SERPINB4: variants seen among roughly 807,000 people sequenced by gnomAD.
SERPINB4 encodes the protein serpin B4.
A neutral mutation model predicts 33.2 loss-of-function variants in SERPINB4; 39 were observed. The ratio of observed to expected loss-of-function variants is 1.18; its 90% confidence interval spans 0.91 to 1.53. The LOEUF is 1.53. Among genes scored for constraint, SERPINB4 ranks in the 40% most tolerant of loss-of-function variants. The pLI is 0.00. For synonymous variants in SERPINB4, 191 were observed against 166.4 expected (o/e 1.15, Z -1.14); for missense variants, 564 against 455.4 (o/e 1.24, Z -2.17).
chr18:63,641,736 T>G (rs559370115), intron 4 of SERPINB4, 24 bp downstream of exon 4: 48 of 1,612,850 alleles, frequency 3.0e-5, no homozygotes, highest in East Asian at 4.5e-5. Flanking sequence ...GCAAATGAAA[T>G]GTGGGTAGGC....
chr18:63,643,501 T>C lies in SERPINB4; in HGVS notation c.77A>G (p.Asn26Ser). Reference sequence around the variant, plus strand: ...GATGCTGATAGGGGAATAGAAGATGTTGTTCTCTTTTGATTTTCTGAACTG... The same window carrying C: ...GATGCTGATAGGGGAATAGAAGATGCTGTTCTCTTTTGATTTTCTGAACTG... Reference protein sequence around the residue: ...FQQFRKSKENNIFYSPISITS... With the variant: ...FQQFRKSKENSIFYSPISITS... The change falls in exon 2 of 8, where the codon AAC (asparagine) becomes AGC (serine). Residue 26 changes from asparagine to serine, a missense_variant. Coordinates refer to ENST00000341074, the MANE Select transcript of SERPINB4 (RefSeq NM_002974.4). The C allele has an allele frequency of 3.1e-6, 5 of 1,613,800 alleles. No homozygotes were observed. Among genetic ancestry groups the C allele is most frequent in the Non-Finnish European group, 4.2e-6 (5 of 1,179,756 alleles).
chr18:63,642,025 G>A (rs944805415), intron 3 of SERPINB4, 137 bp from the exon 4 acceptor site: 2 of 1,304,594 alleles, frequency 1.5e-6, no homozygotes, highest in African/African-American at 2.9e-5. Flanking sequence ...GATAATTGGT[G>A]TATTTCACCT....
In SERPINB4 at chr18:63,643,127, A is replaced by T. The variant is rs1913190997; in HGVS notation, c.222+34T>A. ...GGTTTAAACTATGACCTGTTCAGGG[A>T]TCTAAAGCTGAACCATAGTGCTCTG... On this transcript the variant is annotated intron_variant, in intron 3 of 7. Transcript: ENST00000341074. 1.9e-6 allele frequency: 3 copies of T among 1,612,746 alleles called. No individual in the cohort carries two copies. The South Asian group carries it at 3.3e-5, about 18-fold the overall frequency.
chr18:63,637,963 C>A lies in SERPINB4; in HGVS notation c.929G>T (p.Gly310Val). 6.2e-7 allele frequency: 1 copy of A among 1,613,636 alleles called. No homozygotes were observed. Among genetic ancestry groups the A allele is most frequent in the South Asian group, 1.1e-5 (1 of 91,066 alleles). Residue 310 changes from glycine (G) to valine (V), a missense_variant, in exon 8 of 8, where the codon GGG (glycine) becomes GTG (valine). Coordinates refer to ENST00000341074, the MANE Select transcript of SERPINB4 (RefSeq NM_002974.4). ...RTMGMVNIFN[G>V]DADLSGMTWS... ...GGTCATGCCTGAGAGGTCTGCATCC[C>A]CATTGAAGATATTCACCATTCCCAT...
intron 2 of SERPINB4, 52 bp from the exon 3 acceptor site, chr18:63,643,269 A>C: frequency 6.2e-7 from 1 of 1,612,520 alleles, no homozygotes; most frequent in Non-Finnish European, 8.5e-7. Context: ...AGATCTGTTT[A>C]AGTCAGTGGT....
chr18:63,639,866 A>G (rs1913069593), intron 5 of SERPINB4, 90 bp from the exon 6 acceptor site: 2 of 1,212,348 alleles, frequency 1.6e-6, no homozygotes, highest in Non-Finnish European at 2.4e-6. Flanking sequence ...CTGATCGTTA[A>G]TTATTGACCC....
chr18:63,641,687 T>TTC (rs1913135987), intron 4 of SERPINB4, 73 bp downstream of exon 4: 2 of 1,610,450 alleles, frequency 1.2e-6, no homozygotes, highest in East Asian at 4.5e-5. Context: ...CTGCCTTGCT[T>TTC]TCTTCCATTT....
At chr18:63,642,002 G>T in intron 3 of SERPINB4, 114 bp from the exon 4 acceptor site, 1 of 1,449,470 alleles carries the variant, frequency 6.9e-7, no homozygotes, top group Non-Finnish European at 9.5e-7. Context: ...GAGGACCTTT[G>T]ATGTTATTCC....
chr18:63,637,392 T>A lies in SERPINB4; in HGVS notation c.*327A>T. 2 of 203,490 alleles carry A rather than the reference T, an allele frequency of 9.8e-6. No individual in the cohort carries two copies. The highest frequency in any genetic ancestry group is 9.8e-6 in the Non-Finnish European group (1 of 102,096). 12.6% of individuals were successfully genotyped at this position (203,490 alleles called of 1,614,324 possible). ...GGTTGCTAAATTTGAAGAGAAAGTA[T>A]GATTTGGTTTGGTTCATTTAAAACA... is the stretch of plus-strand genomic sequence containing the variant. On this transcript the variant is annotated 3_prime_UTR_variant, in exon 8 of 8. Transcript: ENST00000341074.
At chr18:63,638,813 G>A (rs1913025990) in intron 7 of SERPINB4, among the ~76,000 whole-genome samples, 1 of 110,514 alleles carries the variant, frequency 9.0e-6, no homozygotes. Flanking sequence ...GACTGTTGTG[G>A]GGTGGGGGGA....
At chr18:63,638,811 T>C (rs1471500594) in intron 7 of SERPINB4, among the ~76,000 whole-genome samples, 1 of 93,406 alleles carries the variant, frequency 1.1e-5, no homozygotes, top group East Asian at 3.7e-4. Flanking sequence ...AGGACTGTTG[T>C]GGGGTGGGGG....
chr18:63,643,477 A>T lies in SERPINB4; in HGVS notation c.101T>A (p.Ile34Asn). ...GAGGACCATCCCTAATGCTGATGTG[A>T]TGCTGATAGGGGAATAGAAGATGTT... ...ENNIFYSPIS[I>N]TSALGMVLLG... The change falls in exon 2 of 8, where the codon ATC becomes AAC. Residue 34 changes from isoleucine to asparagine, a missense_variant. Ile to Asn is a moderately radical substitution (Grantham distance 149). Coordinates refer to ENST00000341074, the MANE Select transcript of SERPINB4 (RefSeq NM_002974.4). 1 of 1,613,740 alleles carries T rather than the reference A, an allele frequency of 6.2e-7. No homozygotes were observed. Among genetic ancestry groups the T allele is most frequent in the Non-Finnish European group, 8.5e-7 (1 of 1,179,758 alleles).
Position 63,637,870 on chromosome 18 carries a change from A to T in SERPINB4, c.1022T>A (p.Val341Glu), listed in dbSNP as rs777553044. 6.2e-7 allele frequency: 1 copy of T among 1,613,050 alleles called. No homozygotes were observed. The highest frequency in any genetic ancestry group is 2.2e-5 in the East Asian group (1 of 44,852). ...TACAGCGGTGGCAGCTGCAGCTTCC[A>T]CTCCCTCCTCAGTGACCTCCACAAA... ...KAFVEVTEEG[V>E]EAAAATAVVV... Residue 341 changes from valine to glutamate, a missense_variant, in exon 8 of 8, where the codon GTG (valine) becomes GAG (glutamate). By Grantham distance (121) the Val-to-Glu change is moderately radical (BLOSUM62 -2). Transcript: ENST00000341074.
rs770002031 is a variant in SERPINB4, at chr18:63,637,933, C to A, written c.959G>T (p.Ser320Ile). 6.2e-7 allele frequency: 1 copy of A among 1,613,624 alleles called. No individual in the cohort carries two copies. The highest frequency in any genetic ancestry group is 2.2e-5 in the East Asian group (1 of 44,868). The change falls in exon 8 of 8, where the codon AGC (serine) becomes ATC (isoleucine). Residue 320 changes from serine to isoleucine, a missense_variant. Coordinates refer to ENST00000341074, the MANE Select transcript of SERPINB4 (RefSeq NM_002974.4). ...GDADLSGMTW[S>I]HGLSVSKVLH... ...GACTTTAGATACTGAGAGACCGTGG[C>A]TCCAGGTCATGCCTGAGAGGTCTGC...
intron 7 of SERPINB4, 23 bp downstream of exon 7, chr18:63,639,162 G>T: frequency 6.4e-7 from 1 of 1,563,046 alleles, no homozygotes. Flanking sequence ...GTAGAAGGAA[G>T]AGTTGTAGAT....
rs140074412 is a variant in SERPINB4, at chr18:63,641,190, C to T, written c.352-199G>A. 2.2e-4 allele frequency among the ~76,000 whole-genome samples: 33 copies of T among 152,186 alleles called. No homozygotes were observed. The East Asian group carries it at 6.2e-3, about 29-fold the overall frequency. On this transcript the variant is annotated intron_variant, in intron 4 of 7. Coordinates refer to ENST00000341074, the MANE Select transcript of SERPINB4 (RefSeq NM_002974.4). ...GTGGGCTGGCACAAGAAAGAGGTCA[C>T]TGAAGGTCAATATCATCTTGGCAAA...
In SERPINB4 at chr18:63,639,334, A is replaced by G; in HGVS notation, c.619T>C (p.Tyr207His). The G allele has an allele frequency of 2.5e-6, 4 of 1,603,516 alleles. No homozygotes were observed. The highest frequency in any genetic ancestry group is 2.2e-5 in the East Asian group (1 of 44,636). ...EEKFWPNKNT[Y>H]KSVQMMRQYN... ...TGCCTCATCATCTGTACAGATTTGT[A>G]TGTATTCTGCAATAAATCAATGTGT... Residue 207 changes from tyrosine (Y) to histidine (H), a missense_variant, in exon 7 of 8, where the codon TAC becomes CAC. Physicochemically the swap from Tyr to His is moderately conservative, Grantham distance 83. Transcript: ENST00000341074.
In SERPINB4 at chr18:63,643,427, G is replaced by A. The variant is rs1399146578; in HGVS notation, c.151C>T (p.Gln51Ter). 6.8e-6 allele frequency: 11 copies of A among 1,613,672 alleles called. No individual in the cohort carries two copies. The highest frequency in any genetic ancestry group is 9.3e-6 in the Non-Finnish European group (11 of 1,179,708). ...VLLGAKDNTA[Q>*]QISKVLHFDQ... Reference sequence around the variant, plus strand: ...CTGATAGCTACCTTGCTAATTTGTTGTGCAGTGTTGTCTTTGGCTCCTAAG... The same window carrying A: ...CTGATAGCTACCTTGCTAATTTGTTATGCAGTGTTGTCTTTGGCTCCTAAG... Residue 51 changes from glutamine (Q) to a stop codon, truncating the protein, a stop_gained, in exon 2 of 8, where the codon CAA (glutamine) becomes TAA (stop). Transcript: ENST00000341074. LOFTEE classifies it high-confidence loss of function.
At chr18:63,643,880 G>A (rs1172255505) in intron 1 of SERPINB4, among the ~76,000 whole-genome samples, 2 of 152,046 alleles carry the variant, frequency 1.3e-5, no homozygotes, top group African/African-American at 4.8e-5. Flanking sequence ...ACTAGAGCTA[G>A]GTAGGATGGC....
Sources: gnomAD v4.1 joint callset for allele counts (sites outside exome capture counted in the v4.1 genomes callset) on GRCh38, gnomAD v4.1.1 for gene constraint, MANE v1.5 for transcripts, NCBI Gene and HGNC (gene_info 2026-07-23, HGNC 2026-07-21) for gene names.